Variants in RNF135 observed in about 807,000 individuals in gnomAD.
RNF135 encodes E3 ubiquitin-protein ligase RNF135.
A neutral mutation model predicts 41.9 loss-of-function variants in RNF135; 46 were observed. That is an observed-to-expected ratio of 1.10 (90% CI 0.87 to 1.40). RNF135 has a LOEUF of 1.40. Among genes scored for constraint, RNF135 ranks in the 40% most tolerant of loss-of-function variants. The pLI is 0.00. For missense variants in RNF135, 539 were observed against 549.8 expected (o/e 0.98, Z 0.20); for synonymous variants, 238 against 223.8 (o/e 1.06, Z -0.57).
rs773656215 is a variant in RNF135, at chr17:30,998,759, C to G, written c.867C>G (p.Pro289=). The G allele has an allele frequency of 3.7e-6, 6 of 1,613,188 alleles. No homozygotes were observed. Among genetic ancestry groups the G allele is most frequent in the Non-Finnish European group, 5.1e-6 (6 of 1,179,736 alleles). The change falls in exon 5 of 5, where the codon CCC becomes CCG. Residue 289 remains proline (P), a synonymous_variant. Coordinates refer to ENST00000328381, the MANE Select transcript of RNF135 (RefSeq NM_032322.4). The part of the protein sequence containing the change: ...RTVTVSHRPQ[P]YRWSCERFST... Reference sequence around the variant, plus strand: ...TGACTGTGTCTCACCGCCCACAACCCTATCGCTGGAGCTGTGAGAGGTTTT... The same window carrying G: ...TGACTGTGTCTCACCGCCCACAACCGTATCGCTGGAGCTGTGAGAGGTTTT...
chr17:30,975,990 T>C (rs569443548), intron 1 of RNF135: 6 of 352,564 alleles, frequency 1.7e-5, no homozygotes, highest in Non-Finnish European at 3.0e-5. Context: ...TAAAAAAAAA[T>C]AAATACTAAA....
intron 3 of RNF135, 28 bp downstream of exon 3, chr17:30,988,134 G>A: frequency 1.2e-6 from 2 of 1,609,234 alleles, no homozygotes; most frequent in South Asian, 1.1e-5. Flanking sequence ...ATTGGAGGAG[G>A]ATTAAATATG....
chr17:30,980,313 GGGGCGGCCGGCC>G (rs1906993809), intron 1 of RNF135: 1 of 132,658 alleles, frequency 7.5e-6, no homozygotes, highest in African/African-American at 2.9e-5. Context: ...CCTCCCGGAC[GGGGCGGCCGGCC>G]GGGCGGGGGG....
At chr17:30,984,456 C>T (rs1364709570) in intron 1 of RNF135, among the ~76,000 whole-genome samples, 161 bp from the exon 2 acceptor site, 1 of 152,204 alleles carries the variant, frequency 6.6e-6, no homozygotes, top group African/African-American at 2.4e-5. Flanking sequence ...AATCATTTAA[C>T]TATATATGTG....
At chr17:30,987,876 T>G (rs1907698843) in intron 2 of RNF135, 68 bp from the exon 3 acceptor site, 1 of 1,420,328 alleles carries the variant, frequency 7.0e-7, no homozygotes, top group South Asian at 1.2e-5. Context: ...TAGAAAAACT[T>G]GAATATAATA....
upstream of RNF135, among the ~76,000 whole-genome samples, chr17:30,968,419 T>G (rs1905644981): frequency 6.6e-6 from 1 of 150,446 alleles, no homozygotes; most frequent in Non-Finnish European, 1.5e-5. Context: ...AGAGTCTTGC[T>G]CTGTCGCCCA....
intron 1 of RNF135, chr17:30,980,314 G>C (rs1404892446): frequency 2.1e-5 from 3 of 142,598 alleles, no homozygotes; most frequent in South Asian, 2.2e-4. Flanking sequence ...CTCCCGGACG[G>C]GGCGGCCGGC....
chr17:30,984,587 ACC>A, intron 1 of RNF135, 28 bp from the exon 2 acceptor site: 1 of 1,613,954 alleles, frequency 6.2e-7, no homozygotes, highest in Non-Finnish European at 8.5e-7. Flanking sequence ...GTTTTATAGA[ACC>A]CAGGACCTGA....
intron 1 of RNF135, among the ~76,000 whole-genome samples, chr17:30,984,295 G>T (rs1907429324): frequency 6.6e-6 from 1 of 151,994 alleles, no homozygotes. Context: ...CTTACATTTA[G>T]GTCTTTGATC....
At chr17:30,977,740 TG>T (rs768032151) in intron 1 of RNF135, among the ~76,000 whole-genome samples, 13 of 152,142 alleles carry the variant, frequency 8.5e-5, no homozygotes, top group Non-Finnish European at 1.9e-4. Flanking sequence ...GGCTAATTTT[TG>T]TATTTTTAGC....
chr17:30,990,139 C>T (rs1278050787), intron 3 of RNF135, among the ~76,000 whole-genome samples: 1 of 152,064 alleles, frequency 6.6e-6, no homozygotes, highest in Non-Finnish European at 1.5e-5. Flanking sequence ...TGCTTCTAAA[C>T]TTAGGTTGGG....
At chr17:30,962,401 G>T in the RNF135 span, among the ~76,000 whole-genome samples, 3 of 151,852 alleles carry the variant, frequency 2.0e-5, no homozygotes, top group Non-Finnish European at 4.4e-5. Context: ...CAAAGTGCTG[G>T]GATTACAGGC....
chr17:30,997,392 A>C (rs1908424943), intron 4 of RNF135, 61 bp downstream of exon 4: 24 of 1,378,332 alleles, frequency 1.7e-5, no homozygotes, highest in Non-Finnish European at 1.0e-6. Flanking sequence ...CTTCGAGAAT[A>C]TCCTACATCC....
intron 3 of RNF135, among the ~76,000 whole-genome samples, chr17:30,993,058 A>ATTG (rs986595156): frequency 6.7e-6 from 1 of 148,434 alleles, no homozygotes; most frequent in African/African-American, 2.5e-5. Context: ...TATTATTATT[A>ATTG]TTATTATTAT....
chr17:30,962,528 C>G, the RNF135 span, among the ~76,000 whole-genome samples: 16 of 151,968 alleles, frequency 1.1e-4, no homozygotes, highest in Admixed American at 2.6e-4. Context: ...TGCAGTGGCA[C>G]GATCTCGGCT....
intron 1 of RNF135, chr17:30,972,241 C>G (rs997466296): frequency 1.3e-5 from 2 of 152,032 alleles, no homozygotes; most frequent in African/African-American, 2.4e-5. Context: ...GGACTACAGG[C>G]GCCCGCCACC....
In RNF135 at chr17:30,971,101, G is replaced by T. The variant is rs1215616020; in HGVS notation, c.28G>T (p.Val10Phe). The T allele has an allele frequency of 2.6e-6, 4 of 1,534,314 alleles. No individual in the cohort carries two copies. The highest frequency in any genetic ancestry group is 3.5e-6 in the Non-Finnish European group (4 of 1,146,112). MAGLGLGSAVPVWLAEDDLG... is the reference protein window; with the variant it reads MAGLGLGSAFPVWLAEDDLG... ...GGCGGGCCTGGGCCTGGGCTCCGCC[G>T]TTCCCGTGTGGCTGGCCGAGGACGA... The change falls in exon 1 of 5, where the codon GTT (valine) becomes TTT (phenylalanine). Residue 10 changes from valine (V) to phenylalanine (F), a missense_variant. Physicochemically the swap from Val to Phe is conservative, Grantham distance 50. Around this residue, in one of 2 missense-constraint regions of RNF135, gnomAD observed 277 missense variants for 212.8 expected, o/e 1.30. Transcript: ENST00000328381.
At chr17:30,995,257 G>A (rs909282339) in intron 3 of RNF135, among the ~76,000 whole-genome samples, 2 of 152,080 alleles carry the variant, frequency 1.3e-5, no homozygotes, top group Non-Finnish European at 2.9e-5. Context: ...GTGTGGTGGT[G>A]GGCGCCTGTA....
chr17:30,967,538 T>C (rs1163959890), upstream of RNF135, among the ~76,000 whole-genome samples: 2 of 152,058 alleles, frequency 1.3e-5, no homozygotes, highest in Non-Finnish European at 2.9e-5. Context: ...TCACAGGAAG[T>C]TAAGAAGAAT....
Sources: gnomAD v4.1 joint callset for allele counts (sites outside exome capture counted in the v4.1 genomes callset) on GRCh38, gnomAD v4.1.1 for gene constraint, gnomAD v4.1.1 regional missense constraint, MANE v1.5 for transcripts, NCBI Gene and HGNC (gene_info 2026-07-23, HGNC 2026-07-21) for gene names.